Variants in ZRANB3 observed in about 807,000 individuals in gnomAD.
The protein encoded by ZRANB3 is zinc finger RANBP2-type containing 3.
ZRANB3 carries 125 observed loss-of-function variants against 133.8 expected under a neutral mutation model. That is an observed-to-expected ratio of 0.93 (90% CI 0.81 to 1.08). ZRANB3 has a LOEUF of 1.08. Among genes scored for constraint, ZRANB3 ranks in the 50% least tolerant of loss-of-function variants. ZRANB3 has a pLI of 0.00. For missense variants in ZRANB3, 1,229 were observed against 1,275.5 expected, an observed-to-expected ratio of 0.96 and a Z score of 0.56; for synonymous variants, 387 against 432.7, an observed-to-expected ratio of 0.89 and a Z score of 1.31.
chr2:135,401,844 C>G (rs971324477), intron 2 of ZRANB3, among the ~76,000 whole-genome samples: 4 of 152,012 alleles, frequency 2.6e-5, no homozygotes, highest in African/African-American at 9.7e-5. Context: ...AATTCCTCAT[C>G]ATTAAAAAAG....
chr2:135,345,537 T>C lies in ZRANB3; in HGVS notation c.677+13A>G. The C allele has an allele frequency of 6.3e-7, 1 of 1,581,848 alleles. No homozygotes were observed. Among genetic ancestry groups the C allele is most frequent in the East Asian group, 2.2e-5 (1 of 44,638 alleles). On this transcript the variant is annotated intron_variant, in intron 6 of 20. Transcript: ENST00000264159. ...ATGTGAGGAAAAAATTTACGGAAAA[T>C]AGTTTAACTTACCTGATGTGTGCAT... is the stretch of plus-strand genomic sequence containing the variant.
intron 12 of ZRANB3, among the ~76,000 whole-genome samples, chr2:135,250,263 G>T (rs1036381156): frequency 6.6e-6 from 1 of 152,186 alleles, no homozygotes; most frequent in Non-Finnish European, 1.5e-5. Flanking sequence ...AAATTTCTAA[G>T]GAGCAAAGCA....
chr2:135,388,577 ATT>A (rs1484114496), intron 3 of ZRANB3, among the ~76,000 whole-genome samples: 1 of 152,188 alleles, frequency 6.6e-6, no homozygotes. Context: ...TTGGAAAAGA[ATT>A]TATACACATG....
rs187372389 is a variant in ZRANB3, at chr2:135,233,596, T to G, written c.1540-2669A>C. 1.7e-3 allele frequency among the ~76,000 whole-genome samples: 259 copies of G among 152,334 alleles called. 1 individual carries two copies. The Middle Eastern group carries it at 0.037, about 22-fold the overall frequency. Reference sequence around the variant, plus strand: ...CCCATCAGACTAACAGCGGATCTCTTGGCAGAAACTCTACAAGCCAGAAGA... The same window carrying G: ...CCCATCAGACTAACAGCGGATCTCTGGGCAGAAACTCTACAAGCCAGAAGA... On this transcript the variant is annotated intron_variant, in intron 12 of 20. Transcript: ENST00000264159.
chr2:135,204,739 ATATT>A (rs1423274516), intron 19 of ZRANB3, among the ~76,000 whole-genome samples: 5 of 146,014 alleles, frequency 3.4e-5, no homozygotes, highest in South Asian at 2.1e-4. Context: ...TTATAAATAT[ATATT>A]TATATTATAT....
At chr2:135,300,475 G>A (rs1265968130) in intron 8 of ZRANB3, among the ~76,000 whole-genome samples, 2 of 152,126 alleles carry the variant, frequency 1.3e-5, no homozygotes, top group African/African-American at 4.8e-5. Flanking sequence ...ATGCTACAGA[G>A]TACAAAGAAA....
intron 17 of ZRANB3, among the ~76,000 whole-genome samples, chr2:135,210,592 G>A (rs1010032175): frequency 2.6e-5 from 4 of 151,546 alleles, no homozygotes; most frequent in African/African-American, 9.7e-5. Context: ...GCCTCCCCAA[G>A]TGCTGGAATT....
Position 135,234,747 on chromosome 2 carries a change from G to A in ZRANB3, c.1540-3820C>T, listed in dbSNP as rs148779238. On this transcript the variant is annotated intron_variant, in intron 12 of 20. Transcript: ENST00000264159. ...GATGTTCTTTGGAATCAATGAGAAC[G>A]AAGACACAACATACCAGAATCTCTG... 1.0e-2 allele frequency among the ~76,000 whole-genome samples: 1,519 copies of A among 152,206 alleles called. 23 individuals are homozygous for A. The highest frequency in any genetic ancestry group is 0.035 in the African/African-American group (1,440 of 41,514).
chr2:135,220,557 G>A (rs1297636533), intron 15 of ZRANB3, among the ~76,000 whole-genome samples: 1 of 151,584 alleles, frequency 6.6e-6, no homozygotes, highest in Non-Finnish European at 1.5e-5. Context: ...AATTAGCTGG[G>A]CATGGTGGCG....
At chr2:135,434,689 C>A (rs1689455885) in intron 2 of ZRANB3, among the ~76,000 whole-genome samples, 2 of 152,184 alleles carry the variant, frequency 1.3e-5, no homozygotes, top group African/African-American at 4.8e-5. Context: ...ATCATGAATC[C>A]TGTTTTTCCA....
At position 135,511,608 on chromosome 2, in the gene ZRANB3, G is replaced by A. The variant is rs116420566; in HGVS notation, c.-7-7112C>T. The A allele has an allele frequency of 8.2e-4, 663 of 808,406 alleles. 4 individuals are homozygous for A. In the African/African-American group the frequency reaches 9.4e-3, roughly 11 times the overall value. 50.1% of individuals were successfully genotyped at this position (808,406 alleles called of 1,614,324 possible). The stretch of plus-strand genomic sequence containing the variant: ...CAACAGACCCCTCAGGAGCAAGTAC[G>A]AACATCTGCATGAATCTCCTCAAAG... On this transcript the variant is annotated intron_variant, in intron 1 of 20. Transcript: ENST00000264159.
intron 2 of ZRANB3, among the ~76,000 whole-genome samples, chr2:135,458,397 CA>C (rs369584207): frequency 2.7e-4 from 38 of 141,844 alleles, no homozygotes; most frequent in Admixed American, 4.9e-4. Context: ...GCCAAGGCTG[CA>C]AAAAAAAAAG....
intron 2 of ZRANB3, among the ~76,000 whole-genome samples, chr2:135,461,715 G>A (rs1019050818): frequency 1.3e-5 from 2 of 152,140 alleles, no homozygotes; most frequent in East Asian, 1.9e-4. Flanking sequence ...ACAGCTCTAC[G>A]TAGCATCGTA....
Position 135,466,680 on chromosome 2 carries a change from AT to A in ZRANB3, c.161+37648del, listed in dbSNP as rs34605710. Among the ~76,000 whole-genome samples, 464 of 142,538 alleles carry A rather than the reference AT, an allele frequency of 3.3e-3. 1 individual carries two copies. Among genetic ancestry groups the A allele is most frequent in the African/African-American group, 4.1e-3 (160 of 38,998 alleles). 93.5% of individuals were successfully genotyped at this position (142,538 alleles called of 152,430 possible). ...CTTTAGAATTCTATGATTTGTGTTG[AT>A]TTTTTTTTTTTTTGAGACAGGGTTT... On this transcript the variant is annotated intron_variant, in intron 2 of 20. Transcript: ENST00000264159.
intron 1 of ZRANB3, among the ~76,000 whole-genome samples, chr2:135,528,969 G>T (rs1559057191): frequency 6.6e-6 from 1 of 152,196 alleles, no homozygotes. Flanking sequence ...TGTGACTAAA[G>T]AAGACTTGAC....
intron 4 of ZRANB3, among the ~76,000 whole-genome samples, chr2:135,351,265 C>CTT (rs34205567): frequency 8.8e-4 from 105 of 119,684 alleles, no homozygotes; most frequent in East Asian, 1.8e-3. Flanking sequence ...CTATAATTTT[C>CTT]TTTTTTTTTT....
chr2:135,521,097 T>C (rs968935631), intron 1 of ZRANB3, among the ~76,000 whole-genome samples: 2 of 152,174 alleles, frequency 1.3e-5, no homozygotes, highest in African/African-American at 4.8e-5. Context: ...ACAAGAAAAT[T>C]TAAAAGTTCA....
chr2:135,434,820 GT>G (rs1689463539), intron 2 of ZRANB3, among the ~76,000 whole-genome samples: 1 of 152,156 alleles, frequency 6.6e-6, no homozygotes, highest in Non-Finnish European at 1.5e-5. Flanking sequence ...TGGAGTTTTT[GT>G]AAATGAAAAG....
At chr2:135,456,171 G>C (rs1690510996) in intron 2 of ZRANB3, among the ~76,000 whole-genome samples, 1 of 152,174 alleles carries the variant, frequency 6.6e-6, no homozygotes, top group African/African-American at 2.4e-5. Flanking sequence ...AAACATGTAA[G>C]AATTCATCTG....
Sources: allele counts gnomAD v4.1 joint callset (sites outside exome capture counted in the v4.1 genomes callset), GRCh38; gene constraint gnomAD v4.1.1; transcripts MANE v1.5; gene names NCBI Gene and HGNC (gene_info 2026-07-23, HGNC 2026-07-21).